The following CTCFL variants were observed in gnomAD, a reference collection of about 807,000 sequenced individuals.
CTCFL encodes CCCTC-binding factor like, also known as transcriptional repressor CTCFL.
A neutral mutation model predicts 67.4 loss-of-function variants in CTCFL; 36 were observed. The ratio of observed to expected loss-of-function variants is 0.53; its 90% CI spans 0.41 to 0.71. The LOEUF (loss-of-function observed/expected upper bound fraction) is 0.71. Ranked by LOEUF, CTCFL falls within the 30% of genes least tolerant of loss-of-function variation. CTCFL has a pLI of 0.00. For synonymous variants in CTCFL, 324 were observed against 302.3 expected (o/e 1.07, Z -0.75); for missense variants, 786 against 835.2 (o/e 0.94, Z 0.73).
At chr20:57,522,031 A>C (rs1001986025) in intron 3 of CTCFL, among the ~76,000 whole-genome samples, 2 of 152,248 alleles carry the variant, frequency 1.3e-5, no homozygotes, top group Non-Finnish European at 2.9e-5. Flanking sequence ...TGAATATATC[A>C]AAAACCTAAA....
At position 57,524,232 on chromosome 20, in the gene CTCFL, G is replaced by C. The variant is rs928348094; in HGVS notation, c.-11-16C>G. On this transcript the variant is annotated splice_polypyrimidine_tract_variant and intron_variant, in intron 1 of 10. Coordinates refer to ENST00000243914, the MANE Select transcript of CTCFL (RefSeq NM_001386993.1). ...ATGACTTGGCCTGTTTGAAAAATAA[G>C]CAAGCGGTTTCCATAGGGGGGAGAA... 12 of 1,597,414 alleles carry C rather than the reference G, an allele frequency of 7.5e-6. No individual in the cohort carries two copies. In the Admixed American group the frequency reaches 1.9e-4, roughly 25 times the overall value.
intron 9 of CTCFL, among the ~76,000 whole-genome samples, chr20:57,503,943 G>A (rs1275129734): frequency 1.3e-5 from 2 of 149,972 alleles, no homozygotes; most frequent in Admixed American, 6.6e-5. Context: ...AAAAAAAAAA[G>A]AAAGAAAAGA....
chr20:57,507,715 T>C, intron 9 of CTCFL: 1 of 702,974 alleles, frequency 1.4e-6, no homozygotes, highest in Non-Finnish European at 2.6e-6. Flanking sequence ...CTGGCGGACA[T>C]CCTGACTGCA....
chr20:57,524,584 C>A (rs1381800913), intron 1 of CTCFL: 3 of 1,037,072 alleles, frequency 2.9e-6, no homozygotes, highest in Non-Finnish European at 3.5e-6. Flanking sequence ...CAGTGAACAT[C>A]CTGGGCCTAG....
chr20:57,512,534 C>A (rs1415794254), intron 8 of CTCFL, 58 bp downstream of exon 8: 1 of 1,554,664 alleles, frequency 6.4e-7, no homozygotes, highest in African/African-American at 1.4e-5. Context: ...GAGAATCCCA[C>A]CCAGCCCTCC....
chr20:57,515,711 T>G lies in CTCFL; in HGVS notation c.1180+3A>C. ...ATCAGGCCTTCAGCACCAGAGCCCTTACCTGAGTGCGTTCTCATGTGGCGT... is the reference window on the plus strand; with the variant it reads ...ATCAGGCCTTCAGCACCAGAGCCCTGACCTGAGTGCGTTCTCATGTGGCGT... On this transcript the variant is annotated splice_donor_region_variant and intron_variant, in intron 6 of 10. Transcript: ENST00000243914. 2.5e-6 allele frequency: 4 copies of G among 1,614,196 alleles called. No homozygotes were observed. The highest frequency in any genetic ancestry group is 3.4e-6 in the Non-Finnish European group (4 of 1,180,012).
chr20:57,511,435 T>C (rs996767600), intron 8 of CTCFL, among the ~76,000 whole-genome samples: 10 of 152,174 alleles, frequency 6.6e-5, no homozygotes, highest in Non-Finnish European at 1.0e-4. Flanking sequence ...GGTCTATCTT[T>C]TACTTTGAAT....
At chr20:57,506,836 A>C (rs1471252199) in intron 9 of CTCFL, 1 of 985,000 alleles carries the variant, frequency 1.0e-6, no homozygotes, top group Non-Finnish European at 1.2e-6. Context: ...ACTCTTCACA[A>C]TTTTTGCATG....
rs1361910555 is a variant in CTCFL at position 57,523,718 on chromosome 20, G to A, written c.488C>T (p.Ala163Val). 4 of 1,613,346 alleles carry A rather than the reference G, an allele frequency of 2.5e-6. No individual in the cohort carries two copies. The African/African-American group carries it at 4.0e-5, about 16-fold the overall frequency. The stretch of plus-strand genomic sequence containing the variant: ...CACCGCTAACTTACTGTCTTCACTG[G>A]CCACCATCACATTCTCCTCTAGAGC... The part of the protein sequence containing the change: ...FHALEENVMV[A>V]SEDSKLAVSL... The change falls in exon 2 of 11, where the codon GCC (alanine) becomes GTC (valine). Residue 163 changes from alanine (A) to valine (V), a missense_variant. Physicochemically the swap from Ala to Val is moderately conservative, Grantham distance 64. Coordinates refer to ENST00000243914, the MANE Select transcript of CTCFL (RefSeq NM_001386993.1).
At chr20:57,504,400 C>T (rs1339480961) in intron 9 of CTCFL, among the ~76,000 whole-genome samples, 4 of 151,606 alleles carry the variant, frequency 2.6e-5, no homozygotes, top group African/African-American at 9.7e-5. Context: ...CTGCCTTAGC[C>T]TCCCAAGTAG....
Position 57,523,272 on chromosome 20 carries a change from C to G in CTCFL, c.550G>C (p.Glu184Gln), listed in dbSNP as rs200588485. The change falls in exon 3 of 11, where the codon GAA (glutamate) becomes CAA (glutamine). Residue 184 changes from glutamate (E) to glutamine (Q), a missense_variant. Glu to Gln is a conservative substitution (Grantham distance 29, BLOSUM62 2). Transcript: ENST00000243914. ...AETTGLIKLE[E>Q]EQEKNQLLAE... Reference sequence around the variant, plus strand: ...AATAACTGGTTCTTCTCCTGCTCTTCCTCGAGCTAATAAACAACAAATATT... The same window carrying G: ...AATAACTGGTTCTTCTCCTGCTCTTGCTCGAGCTAATAAACAACAAATATT... 1.4e-5 allele frequency: 22 copies of G among 1,612,790 alleles called. No homozygotes were observed. In the East Asian group the frequency reaches 4.7e-4, roughly 34 times the overall value.
chr20:57,502,487 G>C (rs983022120), intron 10 of CTCFL, among the ~76,000 whole-genome samples: 2 of 152,172 alleles, frequency 1.3e-5, no homozygotes, highest in African/African-American at 4.8e-5. Context: ...GCAGGTGGAG[G>C]GCGACCGTCA....
At chr20:57,510,637 G>A (rs568499484) in intron 8 of CTCFL, among the ~76,000 whole-genome samples, 163 of 152,332 alleles carry the variant, frequency 1.1e-3, no homozygotes, top group African/African-American at 3.8e-3. Context: ...GCCGAGGCGG[G>A]CAGATCACGA....
At chr20:57,516,267 G>A (rs1460005871) in intron 5 of CTCFL, among the ~76,000 whole-genome samples, 1 of 152,188 alleles carries the variant, frequency 6.6e-6, no homozygotes, top group Non-Finnish European at 1.5e-5. Flanking sequence ...GTTGGGTGTG[G>A]TGGCTCACGC....
chr20:57,521,886 A>C (rs2069392876), intron 3 of CTCFL, among the ~76,000 whole-genome samples: 1 of 152,234 alleles, frequency 6.6e-6, no homozygotes, highest in South Asian at 2.1e-4. Flanking sequence ...AAATCTACGG[A>C]AACAAAAAGT....
rs1451687996 is a variant in CTCFL at position 57,523,107 on chromosome 20, C to T, written c.715G>A (p.Glu239Lys). Residue 239 changes from glutamate (E) to lysine (K), a missense_variant, in exon 3 of 11, where the codon GAA becomes AAA. Coordinates refer to ENST00000243914, the MANE Select transcript of CTCFL (RefSeq NM_001386993.1). ...DQPTAGQADA[E>K]KAKSTKNQRK... ...TGATTTTTTGTAGATTTGGCCTTTT[C>T]AGCATCTGCTTGACCAGCTGTAGGT... The T allele has an allele frequency of 8.7e-6, 14 of 1,613,712 alleles. No homozygotes were observed. Among genetic ancestry groups the T allele is most frequent in the Non-Finnish European group, 1.2e-5 (14 of 1,179,924 alleles).
At chr20:57,508,148 G>C (rs2068323250) in intron 9 of CTCFL, among the ~76,000 whole-genome samples, 1 of 152,090 alleles carries the variant, frequency 6.6e-6, no homozygotes, top group African/African-American at 2.4e-5. Flanking sequence ...TGTTGCCCAG[G>C]CTGATCTCAA....
At chr20:57,519,010 C>T (rs2146422929) in intron 4 of CTCFL, 119 bp from the exon 5 acceptor site, 1 of 1,264,980 alleles carries the variant, frequency 7.9e-7, no homozygotes, top group East Asian at 2.4e-5. Context: ...AGAAGAGGCT[C>T]CTTAAACTAT....
At chr20:57,496,241 C>T (rs759693778), downstream of CTCFL, 1 of 655,632 alleles carries the variant, frequency 1.5e-6, no homozygotes, top group Non-Finnish European at 2.8e-6. Flanking sequence ...CCCTCTCTCG[C>T]TCCTGCTTTC....
Sources: allele counts gnomAD v4.1 joint callset (sites outside exome capture counted in the v4.1 genomes callset), GRCh38; gene constraint gnomAD v4.1.1; transcripts MANE v1.5; gene names NCBI Gene and HGNC (gene_info 2026-07-23, HGNC 2026-07-21).